Variants in ERAP1 observed in about 807,000 individuals in gnomAD.
The protein encoded by ERAP1 is adipocyte-derived leucine aminopeptidase.
A neutral mutation model predicts 103.7 loss-of-function variants in ERAP1; 86 were observed. That is an observed-to-expected ratio of 0.83 (90% CI 0.70 to 0.99). The LOEUF is 0.99. ERAP1 is among the 50% of genes least tolerant of loss of function. ERAP1 has a pLI of 0.00. For synonymous variants in ERAP1, 398 were observed against 402.4 expected (o/e 0.99, Z 0.13); for missense variants, 1,009 against 1,128.4 (o/e 0.89, Z 1.52).
chr5:96,832,882 C>CA, the ERAP1 span, among the ~76,000 whole-genome samples: 6 of 151,998 alleles, frequency 3.9e-5, no homozygotes, highest in Non-Finnish European at 7.4e-5. Context: ...ATTTAGCACC[C>CA]AATGTGATGA....
At chr5:96,900,360 G>A in the ERAP1 span, 2 of 1,013,080 alleles carry the variant, frequency 2.0e-6, no homozygotes, top group Non-Finnish European at 2.7e-6. Context: ...GGTATTTAGG[G>A]GGACAATGCT....
At chr5:96,881,317 G>T in the ERAP1 span, 1 of 426,898 alleles carries the variant, frequency 2.3e-6, no homozygotes, top group South Asian at 1.7e-5. Flanking sequence ...CAGGCTAGTG[G>T]CAGTGCTTAT....
intron 15 of ERAP1, among the ~76,000 whole-genome samples, chr5:96,782,304 T>C (rs1358913273): frequency 6.6e-6 from 1 of 152,112 alleles, no homozygotes; most frequent in African/African-American, 2.4e-5. Flanking sequence ...CCACCGCGCC[T>C]GGCCTAGTTA....
rs1777211184 is a variant in ERAP1 at position 96,795,171 on chromosome 5, A to T, written c.799-9T>A. The T allele has an allele frequency of 6.2e-7, 1 of 1,612,820 alleles. No homozygotes were observed. The highest frequency in any genetic ancestry group is 8.5e-7 in the Non-Finnish European group (1 of 1,179,880). The stretch of plus-strand genomic sequence containing the variant: ...ACAGCATAAACAGAAACCTAAAGAG[A>T]AAGGCACAGAAAGGAATTCAAATAT... On this transcript the variant is annotated splice_polypyrimidine_tract_variant and intron_variant, in intron 4 of 18. Transcript: ENST00000443439.
the ERAP1 span, chr5:96,822,889 G>C: frequency 2.8e-6 from 1 of 353,846 alleles, no homozygotes; most frequent in South Asian, 2.1e-5. Context: ...CGTCTCCTTA[G>C]GGTCACATGA....
the ERAP1 span, among the ~76,000 whole-genome samples, chr5:96,882,034 T>G: frequency 6.6e-6 from 1 of 152,110 alleles, no homozygotes; most frequent in African/African-American, 2.4e-5. Flanking sequence ...CCTTCCCCAC[T>G]TGGGTGCTCA....
At chr5:96,836,076 G>A in the ERAP1 span, among the ~76,000 whole-genome samples, 1 of 151,358 alleles carries the variant, frequency 6.6e-6, no homozygotes, top group East Asian at 1.9e-4. Context: ...GCATGAGTCA[G>A]AGAGAAATGT....
chr5:96,870,437 G>C, the ERAP1 span, among the ~76,000 whole-genome samples: 1 of 151,872 alleles, frequency 6.6e-6, no homozygotes, highest in African/African-American at 2.4e-5. Flanking sequence ...TTCAGCCTTA[G>C]CCTTTGTCTA....
At chr5:96,846,149 C>T in the ERAP1 span, among the ~76,000 whole-genome samples, 1 of 152,192 alleles carries the variant, frequency 6.6e-6, no homozygotes, top group African/African-American at 2.4e-5. Flanking sequence ...GTAATGTATT[C>T]TCCTAGTTTA....
the ERAP1 span, chr5:96,876,344 A>G: frequency 6.6e-6 from 1 of 152,308 alleles, no homozygotes. Context: ...TGTGCATTCT[A>G]CAAAAAGTTT....
At chr5:96,821,745 G>T in the ERAP1 span, among the ~76,000 whole-genome samples, 1 of 152,188 alleles carries the variant, frequency 6.6e-6, no homozygotes, top group South Asian at 2.1e-4. Flanking sequence ...TCAATAGGAA[G>T]AGCTAGTTTA....
At chr5:96,870,157 A>C in the ERAP1 span, among the ~76,000 whole-genome samples, 1 of 152,180 alleles carries the variant, frequency 6.6e-6, no homozygotes, top group Admixed American at 6.5e-5. Context: ...AGAGCTGCTG[A>C]GAGTAATGAG....
the ERAP1 span, among the ~76,000 whole-genome samples, chr5:96,865,039 T>C: frequency 2.0e-5 from 3 of 152,310 alleles, no homozygotes; most frequent in Non-Finnish European, 2.9e-5. Flanking sequence ...AACTTTTGTA[T>C]GCATTCTTCC....
the ERAP1 span, chr5:96,889,207 A>G: frequency 1.1e-5 from 17 of 1,614,196 alleles, no homozygotes; most frequent in Non-Finnish European, 1.4e-5. Flanking sequence ...GCATCCCCAG[A>G]CAAACGGAAT....
upstream of ERAP1, chr5:96,808,183 GATCCGTGTGTGTGTGTGTGT>G (rs1778881717): frequency 2.2e-6 from 2 of 920,586 alleles, no homozygotes; most frequent in Non-Finnish European, 2.5e-6. Flanking sequence ...TCTGAACGCG[GATCCGTGTGTGTGTGTGTGT>G]GTGTGTGTGT....
intron 19 of ERAP1, among the ~76,000 whole-genome samples, chr5:96,767,144 G>T (rs1770291787): frequency 6.6e-6 from 1 of 152,196 alleles, no homozygotes; most frequent in Non-Finnish European, 1.5e-5. Flanking sequence ...AACACTTTAA[G>T]TAGAATTATA....
the ERAP1 span, among the ~76,000 whole-genome samples, chr5:96,824,487 T>C: frequency 6.6e-6 from 1 of 152,214 alleles, no homozygotes; most frequent in Non-Finnish European, 1.5e-5. Flanking sequence ...CCCTATGTGT[T>C]CTAATCCCTG....
At chr5:96,915,776 G>A in the ERAP1 span, 1 of 1,587,386 alleles carries the variant, frequency 6.3e-7, no homozygotes, top group South Asian at 1.2e-5. Flanking sequence ...AGAGGTTTGT[G>A]ACTTTCTGTT....
chr5:96,788,778 A>C (rs535416277), intron 10 of ERAP1, 93 bp from the exon 11 acceptor site: 2 of 1,508,302 alleles, frequency 1.3e-6, no homozygotes, highest in South Asian at 2.4e-5. Flanking sequence ...AGCCGCTACC[A>C]GTTGCCAACC....
Sources: allele counts gnomAD v4.1 joint callset (sites outside exome capture counted in the v4.1 genomes callset), GRCh38; gene constraint gnomAD v4.1.1; transcripts MANE v1.5; gene names NCBI Gene and HGNC (gene_info 2026-07-23, HGNC 2026-07-21).